GTF2IRD1: variants seen among roughly 807,000 people sequenced by gnomAD.
The protein encoded by GTF2IRD1 is general transcription factor II-I repeat domain-containing protein 1.
A neutral mutation model predicts 113.2 loss-of-function variants in GTF2IRD1; 26 were observed. The observed-to-expected ratio is 0.23, with a 90% CI of 0.17 to 0.32. GTF2IRD1 has a LOEUF of 0.32. Among genes scored for constraint, GTF2IRD1 ranks in the 10% least tolerant of loss-of-function variants. GTF2IRD1 has a pLI of 1.00. For synonymous variants in GTF2IRD1, 484 were observed against 529.1 expected, an observed-to-expected ratio of 0.91 and a Z score of 1.17; for missense variants, 864 against 1,280.8, an observed-to-expected ratio of 0.67 and a Z score of 4.97.
intron 25 of GTF2IRD1, chr7:74,596,074 C>T (rs587727803): frequency 6.6e-6 from 1 of 152,338 alleles, no homozygotes; most frequent in East Asian, 1.9e-4. Flanking sequence ...CCTGTAATCC[C>T]AGCACTTTGG....
At chr7:74,540,403 C>A (rs1221693281) in intron 14 of GTF2IRD1, among the ~76,000 whole-genome samples, 1 of 152,086 alleles carries the variant, frequency 6.6e-6, no homozygotes, top group East Asian at 1.9e-4. Flanking sequence ...GCCTCAGCCT[C>A]CCAAAGTGCT....
chr7:74,587,061 T>C (rs587688434), intron 22 of GTF2IRD1, among the ~76,000 whole-genome samples: 2 of 152,118 alleles, frequency 1.3e-5, no homozygotes, highest in South Asian at 4.2e-4. Context: ...GTGGGGAGGA[T>C]TGCTTGAGCC....
chr7:74,507,935 C>T, intron 1 of GTF2IRD1, 140 bp from the exon 2 acceptor site: 1 of 892,604 alleles, frequency 1.1e-6, no homozygotes, highest in South Asian at 1.8e-5. Context: ...ACATAAAGCC[C>T]TTGGGCCCAG....
At chr7:74,532,447 A>G (rs782408319) in intron 9 of GTF2IRD1, among the ~76,000 whole-genome samples, 25 of 152,080 alleles carry the variant, frequency 1.6e-4, no homozygotes, top group Non-Finnish European at 2.9e-5. Flanking sequence ...CTAGCTACTG[A>G]GGAGGCTGAC....
chr7:74,528,740 TG>T (rs1797752183), intron 8 of GTF2IRD1, among the ~76,000 whole-genome samples: 2 of 131,544 alleles, frequency 1.5e-5, no homozygotes, highest in Non-Finnish European at 3.2e-5. Context: ...GATGGATGGA[TG>T]GATGGATGGA....
chr7:74,535,912 T>C (rs1554350068), intron 10 of GTF2IRD1, among the ~76,000 whole-genome samples: 2 of 152,166 alleles, frequency 1.3e-5, no homozygotes, highest in African/African-American at 4.8e-5. Flanking sequence ...CTGCCTCCCA[T>C]TCCTCCTGCC....
chr7:74,532,086 G>A (rs587649030), intron 9 of GTF2IRD1, among the ~76,000 whole-genome samples: 2 of 152,296 alleles, frequency 1.3e-5, no homozygotes, highest in South Asian at 4.1e-4. Flanking sequence ...CCCTTGGTCA[G>A]TGCCTATCAT....
Position 74,602,485 on chromosome 7 carries a change from TTA to T in GTF2IRD1, c.*54_*55del, listed in dbSNP as rs1400049885. 1.4e-6 allele frequency: 2 copies of T among 1,481,374 alleles called. No individual in the cohort carries two copies. Among genetic ancestry groups the T allele is most frequent in the African/African-American group, 2.8e-5 (2 of 72,250 alleles). The allele number at this position is 1,481,374 out of a possible 1,614,324, so 91.8% of individuals were successfully genotyped here. A position where few individuals can be genotyped will look rare whatever the true frequency, so the allele number is the denominator to read the frequency against. On this transcript the variant is annotated 3_prime_UTR_variant, in exon 27 of 27. Coordinates refer to ENST00000424337, the MANE Select transcript of GTF2IRD1 (RefSeq NM_005685.4). The stretch of plus-strand genomic sequence containing the variant: ...TCAGAAAGACTAAAGGAAATGTAAT[TTA>T]TGTACAAAATGTATATTCGGATATG...
At position 74,581,971 on chromosome 7, in the gene GTF2IRD1, C is replaced by T. The variant is rs1232245701; in HGVS notation, c.2321-7880C>T. Among the ~76,000 whole-genome samples the T allele has an allele frequency of 3.9e-5, 6 of 152,176 alleles. No homozygotes were observed. In the East Asian group the frequency reaches 5.8e-4, roughly 15 times the overall value. ...ACAGTGAGCTGAGATTGCTCCACTG[C>T]GCTCCAGCCTGGGCAACAGAGCCAG... On this transcript the variant is annotated intron_variant, in intron 22 of 26. Transcript: ENST00000424337.
intron 1 of GTF2IRD1, among the ~76,000 whole-genome samples, chr7:74,491,097 G>A (rs2117223373): frequency 6.6e-6 from 1 of 152,172 alleles, no homozygotes; most frequent in Middle Eastern, 3.4e-3. Flanking sequence ...CATGAGGTCA[G>A]GAGTTCAAGA....
At chr7:74,550,716 T>C (rs587672829) in intron 17 of GTF2IRD1, among the ~76,000 whole-genome samples, 250 of 152,154 alleles carry the variant, frequency 1.6e-3, no homozygotes, top group Non-Finnish European at 3.1e-3. Flanking sequence ...GAGAGCAGCC[T>C]GGGCAATGTA....
intron 1 of GTF2IRD1, among the ~76,000 whole-genome samples, chr7:74,474,077 AAAAAC>A (rs201212762): frequency 3.7e-4 from 36 of 97,452 alleles, no homozygotes; most frequent in Middle Eastern, 5.7e-3. Context: ...TACAAAAAAA[AAAAAC>A]AAACAAAAAA....
At chr7:74,508,416 G>A (rs1267800702) in intron 2 of GTF2IRD1, among the ~76,000 whole-genome samples, 1 of 152,164 alleles carries the variant, frequency 6.6e-6, no homozygotes, top group Non-Finnish European at 1.5e-5. Context: ...CTGGGGCCGG[G>A]CACAGTGGCT....
rs1583872715 is a variant in GTF2IRD1 at position 74,555,158 on chromosome 7, C to T, written c.1917-16C>T. ...CTTGGAGGGACCTCTGTGATAGCCT[C>T]GCTTGTGTTTTCCAGGCCCGAGCTG... On this transcript the variant is annotated splice_polypyrimidine_tract_variant and intron_variant, in intron 17 of 26. Transcript: ENST00000424337. The surrounding 1 kb of genome is among the most constrained non-coding windows in gnomAD (Gnocchi z 5.3). The T allele has an allele frequency of 1.1e-5, 18 of 1,612,758 alleles. No individual in the cohort carries two copies. The highest frequency in any genetic ancestry group is 5.5e-5 in the South Asian group (5 of 90,894).
chr7:74,557,034 G>A (rs1445390274), intron 19 of GTF2IRD1, among the ~76,000 whole-genome samples: 2 of 152,058 alleles, frequency 1.3e-5, no homozygotes, highest in Non-Finnish European at 2.9e-5. Flanking sequence ...TGAGCTTGGG[G>A]GTTCGAGGCC....
chr7:74,572,308 G>C (rs587627117), intron 22 of GTF2IRD1, among the ~76,000 whole-genome samples: 28 of 152,234 alleles, frequency 1.8e-4, no homozygotes, highest in African/African-American at 5.1e-4. Context: ...GTGTGATCTT[G>C]GATAAGTTAA....
At chr7:74,568,314 C>T (rs1357050084) in intron 22 of GTF2IRD1, among the ~76,000 whole-genome samples, 1 of 107,084 alleles carries the variant, frequency 9.3e-6, no homozygotes, top group African/African-American at 3.7e-5. Flanking sequence ...AGACCAGCCA[C>T]ATAACAAGAC....
rs781994583 is a variant in GTF2IRD1, at chr7:74,529,724, GT to G, written c.1091-9del. ...TAACACTCAGCCTTGCTGTTTGGTT[GT>G]CTTTCCAGCGGAAGCCCTGGGCCTG... On this transcript the variant is annotated splice_polypyrimidine_tract_variant and intron_variant, in intron 8 of 26. Transcript: ENST00000424337. 1 of 1,613,532 alleles carries G rather than the reference GT, an allele frequency of 6.2e-7. No individual in the cohort carries two copies. Among genetic ancestry groups the G allele is most frequent in the Non-Finnish European group, 8.5e-7 (1 of 1,179,618 alleles).
At chr7:74,596,342 T>C (rs587659194) in intron 25 of GTF2IRD1, among the ~76,000 whole-genome samples, 1 of 151,196 alleles carries the variant, frequency 6.6e-6, no homozygotes, top group African/African-American at 2.4e-5. Flanking sequence ...GTGCCTGTAA[T>C]CCCAGCTACT....
Sources: gnomAD v4.1 joint callset for allele counts (sites outside exome capture counted in the v4.1 genomes callset) on GRCh38, gnomAD v4.1.1 for gene constraint, Gnocchi (gnomAD v3.1) non-coding constraint, MANE v1.5 for transcripts, NCBI Gene and HGNC (gene_info 2026-07-23, HGNC 2026-07-21) for gene names.